Variants in DPP6 observed in about 807,000 individuals in gnomAD.
DPP6 encodes the protein A-type potassium channel modulatory protein DPP6.
A neutral mutation model predicts 122.6 loss-of-function variants in DPP6; 69 were observed. The ratio of observed to expected loss-of-function variants is 0.56; its 90% confidence interval spans 0.46 to 0.69. The LOEUF (loss-of-function observed/expected upper bound fraction) is 0.69. Among genes scored for constraint, DPP6 ranks in the 30% least tolerant of loss-of-function variants. The pLI is 0.00. For missense variants in DPP6, 928 were observed against 1,116.9 expected (o/e 0.83, Z 2.41); for synonymous variants, 418 against 433.1 (o/e 0.97, Z 0.43).
intron 1 of DPP6, among the ~76,000 whole-genome samples, chr7:154,147,704 A>G (rs1417480733): frequency 6.6e-6 from 1 of 151,636 alleles, no homozygotes; most frequent in East Asian, 2.0e-4. Flanking sequence ...ACACAAACAC[A>G]TACCTATATA....
At chr7:154,019,175 A>G (rs1040757446) in intron 1 of DPP6, among the ~76,000 whole-genome samples, 4 of 152,112 alleles carry the variant, frequency 2.6e-5, no homozygotes, top group African/African-American at 4.8e-5. Flanking sequence ...TAGATGACTG[A>G]CTATTCCTAA....
chr7:154,151,871 G>C (rs185803524), intron 1 of DPP6, among the ~76,000 whole-genome samples: 212 of 151,976 alleles, frequency 1.4e-3, no homozygotes, highest in Non-Finnish European at 1.5e-3. Flanking sequence ...CTGGGGCTGA[G>C]GAGGCAGGCA....
intron 4 of DPP6, among the ~76,000 whole-genome samples, chr7:154,545,967 A>G (rs1442578490): frequency 6.6e-6 from 1 of 152,208 alleles, no homozygotes; most frequent in African/African-American, 2.4e-5. Flanking sequence ...GTGTTTGGAA[A>G]GCAACTTAGT....
intron 1 of DPP6, among the ~76,000 whole-genome samples, chr7:154,351,655 C>G (rs529262105): frequency 6.6e-6 from 1 of 152,284 alleles, no homozygotes; most frequent in African/African-American, 2.4e-5. Context: ...CAGTTCTCAG[C>G]TGATCTACAA....
intron 1 of DPP6, among the ~76,000 whole-genome samples, chr7:153,962,607 C>T (rs1378339799): frequency 5.3e-5 from 8 of 152,068 alleles, no homozygotes; most frequent in South Asian, 2.1e-4. Flanking sequence ...TCCTAACAAA[C>T]GTTTCTAGAT....
intron 16 of DPP6, among the ~76,000 whole-genome samples, chr7:154,842,800 G>A (rs1360207106): frequency 2.6e-5 from 4 of 152,162 alleles, no homozygotes; most frequent in African/African-American, 4.8e-5. Flanking sequence ...TTATCTCTTC[G>A]TAAGCAAAGG....
At chr7:154,318,802 C>A (rs935582078) in intron 1 of DPP6, among the ~76,000 whole-genome samples, 10 of 152,160 alleles carry the variant, frequency 6.6e-5, no homozygotes, top group African/African-American at 2.2e-4. Flanking sequence ...TACCCCACCC[C>A]CCCCAAGCCA....
intron 1 of DPP6, among the ~76,000 whole-genome samples, chr7:154,255,952 G>T (rs150299040): frequency 6.6e-6 from 1 of 152,026 alleles, no homozygotes; most frequent in South Asian, 2.1e-4. Flanking sequence ...TAATATCTGC[G>T]CTCTTTACCA....
chr7:154,074,425 A>G (rs545429628), intron 1 of DPP6, among the ~76,000 whole-genome samples: 1 of 152,238 alleles, frequency 6.6e-6, no homozygotes, highest in African/African-American at 2.4e-5. Context: ...ATAAAGTCTT[A>G]GTAATTCTGA....
chr7:154,760,463 G>A lies in DPP6; in HGVS notation c.884-8954G>A, dbSNP rs1047618278. On this transcript the variant is annotated intron_variant, in intron 8 of 25. Coordinates refer to ENST00000377770, the MANE Select transcript of DPP6 (RefSeq NM_130797.4). The surrounding 1 kb of genome is among the most constrained non-coding windows in gnomAD (Gnocchi z 4.5). ...CAGTTCTCTTATCTCGGGGCGGAGG[G>A]AGCGTCAGTGTTTCAGCAGGTTGTT... 6.6e-6 allele frequency among the ~76,000 whole-genome samples: 1 copy of A among 152,112 alleles called. No homozygotes were observed. The highest frequency in any genetic ancestry group is 1.5e-5 in the Non-Finnish European group (1 of 68,022).
chr7:153,906,570 C>T (rs1293943159), intron 1 of DPP6, among the ~76,000 whole-genome samples: 1 of 152,190 alleles, frequency 6.6e-6, no homozygotes, highest in Non-Finnish European at 1.5e-5. Flanking sequence ...CCCACCTCAG[C>T]CTCCTGAGTA....
At chr7:154,278,767 G>T (rs1804300592) in intron 1 of DPP6, among the ~76,000 whole-genome samples, 1 of 152,106 alleles carries the variant, frequency 6.6e-6, no homozygotes, top group Non-Finnish European at 1.5e-5. Flanking sequence ...GTCCTTTAAG[G>T]AATGATATGT....
chr7:154,512,305 A>G (rs1826150371), intron 3 of DPP6, among the ~76,000 whole-genome samples: 1 of 152,166 alleles, frequency 6.6e-6, no homozygotes, highest in South Asian at 2.1e-4. Flanking sequence ...TTCCTGGTGA[A>G]CCAAAGTGCC....
chr7:154,711,660 C>CT (rs11394085), intron 7 of DPP6, among the ~76,000 whole-genome samples: 122,226 of 151,974 alleles, frequency 0.8, 49,822 homozygotes, highest in Non-Finnish European at 0.88. Flanking sequence ...AAGGTTCTTT[C>CT]TTTTTTATCA....
intron 2 of DPP6, among the ~76,000 whole-genome samples, chr7:154,451,526 G>C (rs1326204025): frequency 6.6e-6 from 1 of 152,180 alleles, no homozygotes; most frequent in Admixed American, 6.5e-5. Context: ...CACGCACAGG[G>C]AGTGGCGGCA....
intron 21 of DPP6, among the ~76,000 whole-genome samples, chr7:154,882,478 G>C (rs1355496086): frequency 1.3e-5 from 2 of 152,220 alleles, no homozygotes; most frequent in Non-Finnish European, 2.9e-5. Flanking sequence ...AATCCTTTTA[G>C]TGGCTTGGCA....
At chr7:154,678,270 G>C (rs574856202) in intron 7 of DPP6, among the ~76,000 whole-genome samples, 41 of 152,330 alleles carry the variant, frequency 2.7e-4, no homozygotes, top group African/African-American at 9.4e-4. Context: ...TCCCTTCCAC[G>C]TGGAAGCTGT....
At chr7:154,710,121 G>T (rs1028592849) in intron 7 of DPP6, among the ~76,000 whole-genome samples, 1 of 152,174 alleles carries the variant, frequency 6.6e-6, no homozygotes, top group Non-Finnish European at 1.5e-5. Flanking sequence ...CAGCACTGCT[G>T]CCAGATGACA....
chr7:153,894,504 T>C (rs1425038558), intron 1 of DPP6, among the ~76,000 whole-genome samples: 1 of 152,132 alleles, frequency 6.6e-6, no homozygotes, highest in Non-Finnish European at 1.5e-5. Context: ...ATTCGGGAAG[T>C]AGAAGTTTCA....
Sources: allele counts gnomAD v4.1 joint callset (sites outside exome capture counted in the v4.1 genomes callset), GRCh38; gene constraint gnomAD v4.1.1; non-coding constraint Gnocchi (gnomAD v3.1); transcripts MANE v1.5; gene names NCBI Gene and HGNC (gene_info 2026-07-23, HGNC 2026-07-21).